ROBO2: variants seen among roughly 807,000 people sequenced by gnomAD.
The protein encoded by ROBO2 is roundabout homolog 2.
A neutral mutation model predicts 160.8 loss-of-function variants in ROBO2; 53 were observed. The ratio of observed to expected loss-of-function variants is 0.33; its 90% CI spans 0.26 to 0.41. The LOEUF is 0.41. ROBO2 is among the 10% of genes least tolerant of loss of function. The pLI is 1.00. For missense variants in ROBO2, 1,577 were observed against 1,722.4 expected (o/e 0.92, Z 1.49); for synonymous variants, 664 against 611.7 (o/e 1.09, Z -1.26).
chr3:76,289,104 TC>T (rs1485656810), intron 2 of ROBO2, among the ~76,000 whole-genome samples: 3 of 152,308 alleles, frequency 2.0e-5, no homozygotes, highest in African/African-American at 7.2e-5. Context: ...TAATTTACAT[TC>T]CCACCAGTAG....
At chr3:76,928,382 C>T (rs1007132823) in intron 2 of ROBO2, among the ~76,000 whole-genome samples, 2 of 151,818 alleles carry the variant, frequency 1.3e-5, no homozygotes, top group Non-Finnish European at 2.9e-5. Flanking sequence ...GAAGATAATG[C>T]ATATGCATAT....
intron 2 of ROBO2, among the ~76,000 whole-genome samples, chr3:76,169,373 T>G (rs2072953441): frequency 2.0e-5 from 3 of 152,196 alleles, no homozygotes; most frequent in Admixed American, 1.3e-4. Flanking sequence ...CACAACATTT[T>G]GTATATAACT....
chr3:77,303,808 CAT>C (rs948962671), intron 2 of ROBO2, among the ~76,000 whole-genome samples: 1 of 151,508 alleles, frequency 6.6e-6, no homozygotes, highest in Non-Finnish European at 1.5e-5. Flanking sequence ...CATATATATA[CAT>C]ATATATATGC....
At chr3:77,091,121 G>A (rs970335970) in intron 1 of ROBO2, among the ~76,000 whole-genome samples, 4 of 152,084 alleles carry the variant, frequency 2.6e-5, no homozygotes, top group African/African-American at 9.7e-5. Context: ...AGCTGATAGG[G>A]CTATCCAGTT....
At position 77,386,603 on chromosome 3, in the gene ROBO2, A is replaced by ATTTTTTTTTTTTTTTTTTTTTTTT. The variant is rs71104679; in HGVS notation, c.389-90794_389-90793insTTTTTTTTTTTTTTTTTTTTTTTT. 8.1e-4 allele frequency among the ~76,000 whole-genome samples: 74 copies of ATTTTTTTTTTTTTTTTTTTTTTTT among 91,884 alleles called. 6 individuals are homozygous for ATTTTTTTTTTTTTTTTTTTTTTTT. The highest frequency in any genetic ancestry group is 2.4e-3 in the East Asian group (6 of 2,508). 60.3% of individuals were successfully genotyped at this position (91,884 alleles called of 152,430 possible). A position where few individuals can be genotyped will look rare whatever the true frequency, so the allele number is the denominator to read the frequency against. On this transcript the variant is annotated intron_variant, in intron 2 of 25. Coordinates refer to ENST00000461745, the Ensembl canonical transcript of ROBO2. ...AGTTAATTATTTTTTCAGCCAGGTA[A>ATTTTTTTTTTTTTTTTTTTTTTTT]TTTTTTTTTTTTTTTTTGAAATAGA...
intron 2 of ROBO2, among the ~76,000 whole-genome samples, chr3:76,749,258 A>G (rs1331745459): frequency 6.6e-6 from 1 of 151,880 alleles, no homozygotes; most frequent in African/African-American, 2.4e-5. Flanking sequence ...CTTTAGAAAA[A>G]AATAGAATTT....
chr3:77,550,802 G>A lies in ROBO2; in HGVS notation c.1060-16G>A. On this transcript the variant is annotated splice_polypyrimidine_tract_variant and intron_variant, in intron 7 of 25. Coordinates refer to ENST00000461745, the Ensembl canonical transcript of ROBO2. ...GTGGAAAATGAATATTGATGAGATT[G>A]TGCTTGCTTCCACAGAACCTACTTT... is the stretch of plus-strand genomic sequence containing the variant. 6.2e-7 allele frequency: 1 copy of A among 1,612,370 alleles called. No homozygotes were observed. Among genetic ancestry groups the A allele is most frequent in the South Asian group, 1.1e-5 (1 of 91,052 alleles).
At chr3:76,280,901 T>C (rs960379147) in intron 2 of ROBO2, among the ~76,000 whole-genome samples, 4 of 152,052 alleles carry the variant, frequency 2.6e-5, no homozygotes, top group Admixed American at 6.6e-5. Flanking sequence ...AATAGCATAG[T>C]TCAGTGTGGT....
chr3:76,449,229 A>AT (rs2077351914), intron 2 of ROBO2, among the ~76,000 whole-genome samples: 1 of 152,236 alleles, frequency 6.6e-6, no homozygotes, highest in African/African-American at 2.4e-5. Flanking sequence ...ACTGTTATGT[A>AT]TTTTTTATAA....
At chr3:77,487,798 A>G (rs1036119111) in intron 4 of ROBO2, among the ~76,000 whole-genome samples, 1 of 152,184 alleles carries the variant, frequency 6.6e-6, no homozygotes, top group East Asian at 1.9e-4. Flanking sequence ...AACTCTACCT[A>G]TGTAATTATT....
chr3:77,550,415 A>C (rs1285377350), intron 7 of ROBO2, among the ~76,000 whole-genome samples: 1 of 151,984 alleles, frequency 6.6e-6, no homozygotes, highest in Non-Finnish European at 1.5e-5. Context: ...GGTTTATACA[A>C]CCCATACACA....
intron 2 of ROBO2, among the ~76,000 whole-genome samples, chr3:76,820,669 C>T (rs888129664): frequency 1.3e-5 from 2 of 151,754 alleles, no homozygotes; most frequent in South Asian, 2.1e-4. Context: ...AGATAAAATT[C>T]CCTGCACTAA....
At chr3:76,619,736 C>T (rs1560246499) in intron 2 of ROBO2, among the ~76,000 whole-genome samples, 1 of 152,164 alleles carries the variant, frequency 6.6e-6, no homozygotes, top group Admixed American at 6.6e-5. Flanking sequence ...CATCACAGCC[C>T]TCCTGGGTAA....
At chr3:76,004,014 A>G (rs911543527) in intron 2 of ROBO2, among the ~76,000 whole-genome samples, 1 of 152,228 alleles carries the variant, frequency 6.6e-6, no homozygotes, top group Non-Finnish European at 1.5e-5. Flanking sequence ...AAATTTAAAT[A>G]TAAATCTATC....
intron 2 of ROBO2, among the ~76,000 whole-genome samples, chr3:76,140,421 T>G (rs2071588810): frequency 6.6e-6 from 1 of 152,062 alleles, no homozygotes; most frequent in South Asian, 2.1e-4. Flanking sequence ...TTATTTTTAT[T>G]AACTGATTTA....
chr3:76,327,204 A>G (rs1421769699), intron 2 of ROBO2, among the ~76,000 whole-genome samples: 2 of 152,114 alleles, frequency 1.3e-5, no homozygotes, highest in East Asian at 1.9e-4. Context: ...TGTGCTTTCA[A>G]TAGTTTAGAA....
At chr3:76,493,222 T>A (rs755151780) in intron 2 of ROBO2, among the ~76,000 whole-genome samples, 14 of 151,482 alleles carry the variant, frequency 9.2e-5, no homozygotes, top group Non-Finnish European at 1.8e-4. Context: ...GTTGCTAAGC[T>A]CAGCCAACAG....
chr3:77,552,261 T>C (rs140044832), intron 8 of ROBO2, among the ~76,000 whole-genome samples: 1 of 152,176 alleles, frequency 6.6e-6, no homozygotes, highest in African/African-American at 2.4e-5. Context: ...TCTATATTCC[T>C]AAGAACACAC....
chr3:76,197,143 G>T (rs1225579967), intron 2 of ROBO2, among the ~76,000 whole-genome samples: 2 of 150,384 alleles, frequency 1.3e-5, no homozygotes, highest in African/African-American at 2.5e-5. Context: ...TTTGGATCTG[G>T]GACTGCCTTT....
Sources: allele counts gnomAD v4.1 joint callset (sites outside exome capture counted in the v4.1 genomes callset), GRCh38; gene constraint gnomAD v4.1.1; transcripts MANE v1.5; gene names NCBI Gene and HGNC (gene_info 2026-07-23, HGNC 2026-07-21).